The following DOCK4 variants were observed in gnomAD, a reference collection of about 807,000 sequenced individuals.
DOCK4 encodes dedicator of cytokinesis 4, also known as dedicator of cytokinesis protein 4.
A neutral mutation model predicts 268.1 loss-of-function variants in DOCK4; 97 were observed. That is an observed-to-expected ratio of 0.36 (90% confidence interval 0.31 to 0.43). The LOEUF is 0.43. Among genes scored for constraint, DOCK4 ranks in the 20% least tolerant of loss-of-function variants. DOCK4 has a pLI of 1.00. For synonymous variants in DOCK4, 954 were observed against 887.2 expected, an observed-to-expected ratio of 1.08 and a Z score of -1.34; for missense variants, 2,145 against 2,455.7, an observed-to-expected ratio of 0.87 and a Z score of 2.67.
chr7:112,114,318 G>A (rs1440673605), intron 1 of DOCK4, among the ~76,000 whole-genome samples: 1 of 152,144 alleles, frequency 6.6e-6, no homozygotes, highest in Non-Finnish European at 1.5e-5. Context: ...GTCTAAAAGT[G>A]TTGGTATGCT....
At chr7:112,086,712 G>C (rs553161021) in intron 1 of DOCK4, among the ~76,000 whole-genome samples, 1 of 152,116 alleles carries the variant, frequency 6.6e-6, no homozygotes, top group Non-Finnish European at 1.5e-5. Flanking sequence ...CAACTCTGAA[G>C]TCACATCTAA....
chr7:111,849,149 G>C (rs917888482), intron 23 of DOCK4, among the ~76,000 whole-genome samples: 2 of 151,816 alleles, frequency 1.3e-5, no homozygotes, highest in Non-Finnish European at 2.9e-5. Context: ...TTGTTACTTT[G>C]TGAGTTTTGC....
chr7:112,183,631 G>A (rs1819240615), intron 1 of DOCK4, among the ~76,000 whole-genome samples: 1 of 152,168 alleles, frequency 6.6e-6, no homozygotes, highest in Non-Finnish European at 1.5e-5. Context: ...TCCAACAAAT[G>A]CCAGGAGGGC....
rs775613922 is a variant in DOCK4 at position 111,989,086 on chromosome 7, C to G, written c.393G>C (p.Val131=). The G allele has an allele frequency of 8.7e-6, 14 of 1,614,024 alleles. No individual in the cohort carries two copies. The highest frequency in any genetic ancestry group is 1.2e-5 in the Non-Finnish European group (14 of 1,179,884). Reference sequence around the variant, plus strand: ...TCATCCGGTCGTGGGTGAGGTGGCCCACCAGCACCTGCCGCCTCAGGTCCA... The same window carrying G: ...TCATCCGGTCGTGGGTGAGGTGGCCGACCAGCACCTGCCGCCTCAGGTCCA... ...EILDLRRQVL[V]GHLTHDRMKD... The change falls in exon 6 of 53, where the codon GTG becomes GTC. Residue 131 remains valine, a synonymous_variant. Transcript: ENST00000428084.
chr7:111,851,362 T>C (rs1006635984), intron 23 of DOCK4, among the ~76,000 whole-genome samples: 1 of 150,384 alleles, frequency 6.6e-6, no homozygotes, highest in African/African-American at 2.5e-5. Context: ...GGAGAATCGC[T>C]TGAACCTGGG....
chr7:111,763,484 T>C (rs1208979562), intron 39 of DOCK4, among the ~76,000 whole-genome samples: 2 of 152,264 alleles, frequency 1.3e-5, no homozygotes, highest in Admixed American at 1.3e-4. Flanking sequence ...TAATTGACTT[T>C]TTAACAAAAT....
At chr7:112,007,287 A>G (rs1481654152) in intron 1 of DOCK4, among the ~76,000 whole-genome samples, 2 of 152,158 alleles carry the variant, frequency 1.3e-5, no homozygotes, top group Non-Finnish European at 2.9e-5. Context: ...CAGCATGAAC[A>G]TCTGAGTATA....
At position 111,977,347 on chromosome 7, in the gene DOCK4, A is replaced by C. The variant is rs189407997; in HGVS notation, c.550-64T>G. 4.9e-4 allele frequency: 754 copies of C among 1,530,966 alleles called. 5 individuals are homozygous for C. In the African/African-American group the frequency reaches 9.7e-3, roughly 20 times the overall value. The allele number at this position is 1,530,966 out of a possible 1,614,324, so 94.8% of individuals were successfully genotyped here. On this transcript the variant is annotated intron_variant, in intron 7 of 52. Transcript: ENST00000428084. ...ACTGAAGGAAATAACAGGACCCAACAAACTAGTTAGCTATGAGGTGACTGT... is the reference window on the plus strand; with the variant it reads ...ACTGAAGGAAATAACAGGACCCAACCAACTAGTTAGCTATGAGGTGACTGT...
chr7:112,128,688 T>A (rs1214952503), intron 1 of DOCK4, among the ~76,000 whole-genome samples: 2 of 152,144 alleles, frequency 1.3e-5, no homozygotes, highest in Non-Finnish European at 2.9e-5. Flanking sequence ...GTGCAAGATG[T>A]GCTTTGTTAA....
At chr7:111,921,985 T>C (rs2134587701) in intron 12 of DOCK4, among the ~76,000 whole-genome samples, 1 of 152,362 alleles carries the variant, frequency 6.6e-6, no homozygotes, top group East Asian at 1.9e-4. Flanking sequence ...TATGTCTGTA[T>C]ATTGAGAACA....
chr7:111,868,118 G>C lies in DOCK4; in HGVS notation c.2146C>G (p.Arg716Gly). ...EYIFKYIVQSRRLFSLATGGQ... is the reference protein window; with the variant it reads ...EYIFKYIVQSGRLFSLATGGQ... ...CCAGTGGCAAGGGAAAACAGCCTTC[G>C]AGATTGAACTATATACTTAAAAATG... is the stretch of plus-strand genomic sequence containing the variant. The change falls in exon 22 of 53, where the codon CGA (arginine) becomes GGA (glycine). Residue 716 changes from arginine to glycine, a missense_variant. By Grantham distance (125) the Arg-to-Gly change is moderately radical. Coordinates refer to ENST00000428084, the MANE Select transcript of DOCK4 (RefSeq NM_001363540.2). 1 of 1,610,904 alleles carries C rather than the reference G, an allele frequency of 6.2e-7. No homozygotes were observed. The highest frequency in any genetic ancestry group is 8.5e-7 in the Non-Finnish European group (1 of 1,178,922).
chr7:112,108,136 T>C (rs1811297670), intron 1 of DOCK4, among the ~76,000 whole-genome samples: 1 of 152,184 alleles, frequency 6.6e-6, no homozygotes, highest in South Asian at 2.1e-4. Flanking sequence ...AAGATTAGTA[T>C]AATACAAACA....
intron 1 of DOCK4, among the ~76,000 whole-genome samples, chr7:112,077,002 T>C (rs1184288730): frequency 6.6e-6 from 1 of 151,982 alleles, no homozygotes; most frequent in Non-Finnish European, 1.5e-5. Flanking sequence ...GTAAGTAGAG[T>C]ACTTAGACGT....
At chr7:111,889,514 A>G (rs747843957) in intron 16 of DOCK4, among the ~76,000 whole-genome samples, 12 of 152,132 alleles carry the variant, frequency 7.9e-5, no homozygotes, top group Non-Finnish European at 1.5e-4. Context: ...AAAAGGCTAC[A>G]CTGAAGTTTG....
rs1380644494 is a variant in DOCK4, at chr7:111,737,103, GTGATA to G, written c.5233-119_5233-115del. On this transcript the variant is annotated intron_variant, in intron 49 of 52. Transcript: ENST00000428084. ...ACTTTTTGTTCAAAATAATTTTTGT[GTGATA>G]TGATGAGCCTAGGAACAAATAATTT... 3 of 832,756 alleles carry G rather than the reference GTGATA, an allele frequency of 3.6e-6. No homozygotes were observed. In the African/African-American group the frequency reaches 5.2e-5, roughly 14 times the overall value. The allele number at this position is 832,756 out of a possible 1,614,324, so 51.6% of individuals were successfully genotyped here.
chr7:112,106,613 G>C (rs1034945514), intron 1 of DOCK4, among the ~76,000 whole-genome samples: 7 of 152,216 alleles, frequency 4.6e-5, no homozygotes, highest in African/African-American at 1.7e-4. Flanking sequence ...CACTTCATAA[G>C]TATTCCCAAG....
intron 1 of DOCK4, among the ~76,000 whole-genome samples, chr7:112,197,572 G>C (rs1426102299): frequency 6.6e-6 from 1 of 152,178 alleles, no homozygotes. Flanking sequence ...AGCAAGAAAA[G>C]ACTGTAAAAT....
chr7:111,781,866 CA>C (rs1341300293), intron 35 of DOCK4, among the ~76,000 whole-genome samples: 1 of 151,932 alleles, frequency 6.6e-6, no homozygotes, highest in African/African-American at 2.4e-5. Context: ...AAAGTAGGGG[CA>C]AAAGAATTTC....
intron 12 of DOCK4, among the ~76,000 whole-genome samples, chr7:111,925,840 G>C (rs1406208725): frequency 6.6e-6 from 1 of 152,144 alleles, no homozygotes; most frequent in Non-Finnish European, 1.5e-5. Flanking sequence ...GTAATCCCAG[G>C]ACTTTGGGAG....
Sources: allele counts gnomAD v4.1 joint callset (sites outside exome capture counted in the v4.1 genomes callset), GRCh38; gene constraint gnomAD v4.1.1; transcripts MANE v1.5; gene names NCBI Gene and HGNC (gene_info 2026-07-23, HGNC 2026-07-21).